The following CDS1 variants were observed in gnomAD, a reference collection of about 807,000 sequenced individuals.
The protein encoded by CDS1 is phosphatidate cytidylyltransferase 1.
A neutral mutation model predicts 62.1 loss-of-function variants in CDS1; 41 were observed. The ratio of observed to expected loss-of-function variants is 0.66; its 90% confidence interval spans 0.51 to 0.86. CDS1 has a LOEUF of 0.86. Ranked by LOEUF, CDS1 falls within the 40% of genes least tolerant of loss-of-function variation. CDS1 has a pLI of 0.00. For synonymous variants in CDS1, 185 were observed against 192.6 expected (o/e 0.96, Z 0.32); for missense variants, 470 against 550.1 (o/e 0.85, Z 1.46).
At chr4:84,586,555 C>T (rs1029794328) in intron 1 of CDS1, among the ~76,000 whole-genome samples, 6 of 152,166 alleles carry the variant, frequency 3.9e-5, no homozygotes, top group East Asian at 3.9e-4. Flanking sequence ...GGTGGTAATG[C>T]GAGTGATGGG....
In CDS1 at chr4:84,592,154, ATTTT is replaced by A. The variant is rs72236126; in HGVS notation, c.117+8660_117+8663del. ...GAGGAAGTAATTTCATTAATGACCA[ATTTT>A]TTTTTTTTTTTTTTTTTTTTTTTGA... On this transcript the variant is annotated intron_variant, in intron 1 of 12. Transcript: ENST00000295887. Among the ~76,000 whole-genome samples, 148 of 86,042 alleles carry A rather than the reference ATTTT, an allele frequency of 1.7e-3. 1 individual carries two copies. Among genetic ancestry groups the A allele is most frequent in the Non-Finnish European group, 2.5e-3 (119 of 47,904 alleles). The allele number at this position is 86,042 out of a possible 152,430, so 56.4% of individuals were successfully genotyped here.
chr4:84,590,755 C>A (rs190484077), intron 1 of CDS1, among the ~76,000 whole-genome samples: 74 of 152,238 alleles, frequency 4.9e-4, no homozygotes, highest in African/African-American at 1.8e-3. Context: ...CAAAAAGGAA[C>A]AGGGAATGGG....
chr4:84,613,734 ACTTT>A (rs1723403238), intron 3 of CDS1, among the ~76,000 whole-genome samples: 1 of 152,210 alleles, frequency 6.6e-6, no homozygotes, highest in African/African-American at 2.4e-5. Flanking sequence ...TTAGAATCAT[ACTTT>A]CTAAGTGATG....
At chr4:84,606,305 A>AGTGT (rs60828105) in intron 2 of CDS1, among the ~76,000 whole-genome samples, 19 of 146,510 alleles carry the variant, frequency 1.3e-4, no homozygotes, top group East Asian at 1.2e-3. Flanking sequence ...TTTCTTGTGC[A>AGTGT]GTGTGTGTGT....
At chr4:84,633,741 C>A in intron 6 of CDS1, 116 bp from the exon 7 acceptor site, 1 of 506,062 alleles carries the variant, frequency 2.0e-6, no homozygotes, top group Non-Finnish European at 3.4e-6. Context: ...ATGACTCTAA[C>A]TTGTACATTT....
chr4:84,641,492 C>T (rs916344284), intron 10 of CDS1, among the ~76,000 whole-genome samples: 6 of 152,128 alleles, frequency 3.9e-5, no homozygotes, highest in Admixed American at 1.3e-4. Context: ...TGGATGAGAA[C>T]GGGTTACAAA....
intron 5 of CDS1, among the ~76,000 whole-genome samples, chr4:84,623,139 C>G (rs1362298023): frequency 6.6e-6 from 1 of 152,164 alleles, no homozygotes; most frequent in East Asian, 1.9e-4. Flanking sequence ...ATTCCTGTTC[C>G]TGTGTGAGCT....
chr4:84,619,305 G>A (rs1578037151), intron 4 of CDS1, 89 bp from the exon 5 acceptor site: 4 of 610,570 alleles, frequency 6.6e-6, no homozygotes, highest in East Asian at 6.1e-5. Flanking sequence ...TTTGATCTTT[G>A]TGTCATCAGA....
chr4:84,629,949 T>C (rs1361959885), intron 5 of CDS1, among the ~76,000 whole-genome samples: 1 of 152,140 alleles, frequency 6.6e-6, no homozygotes, highest in African/African-American at 2.4e-5. Context: ...GTTAATGATA[T>C]TGAGAAGTTC....
At chr4:84,593,943 T>A (rs1160464658) in intron 1 of CDS1, among the ~76,000 whole-genome samples, 1 of 152,098 alleles carries the variant, frequency 6.6e-6, no homozygotes, top group Non-Finnish European at 1.5e-5. Context: ...AGGCAGCGAG[T>A]CTGAAACAAA....
chr4:84,630,191 A>G (rs1339132296), intron 5 of CDS1, among the ~76,000 whole-genome samples: 1 of 152,186 alleles, frequency 6.6e-6, no homozygotes, highest in Non-Finnish European at 1.5e-5. Flanking sequence ...TTTTTAAAGG[A>G]ATCTTTCATA....
chr4:84,631,023 C>T (rs1724002785), intron 5 of CDS1, among the ~76,000 whole-genome samples: 4 of 151,920 alleles, frequency 2.6e-5, no homozygotes, highest in African/African-American at 7.3e-5. Context: ...AATAAATTAT[C>T]ATTGTAATAA....
intron 5 of CDS1, among the ~76,000 whole-genome samples, chr4:84,625,667 A>G (rs939901201): frequency 2.6e-5 from 4 of 151,966 alleles, no homozygotes; most frequent in African/African-American, 9.7e-5. Context: ...GAAAATCTGT[A>G]TGTCATGGGA....
intron 5 of CDS1, among the ~76,000 whole-genome samples, chr4:84,623,733 G>A (rs111906554): frequency 1.3e-4 from 20 of 152,208 alleles, no homozygotes; most frequent in Non-Finnish European, 2.5e-4. Context: ...ACAGTCCTGC[G>A]GATTGGCGGG....
At chr4:84,611,861 C>A (rs1723334658) in intron 3 of CDS1, among the ~76,000 whole-genome samples, 1 of 152,106 alleles carries the variant, frequency 6.6e-6, no homozygotes, top group Non-Finnish European at 1.5e-5. Flanking sequence ...CCCCAGCTCC[C>A]AGTCTTCTGT....
intron 1 of CDS1, among the ~76,000 whole-genome samples, chr4:84,585,153 G>A (rs1339594909): frequency 6.6e-6 from 1 of 152,194 alleles, no homozygotes; most frequent in Non-Finnish European, 1.5e-5. Context: ...TCTGTAGTGT[G>A]ATTTGACTCA....
rs996938926 is a variant in CDS1 at position 84,598,932 on chromosome 4, G to A, written c.118-5311G>A. Among the ~76,000 whole-genome samples, 10 of 152,220 alleles carry A rather than the reference G, an allele frequency of 6.6e-5. No individual in the cohort carries two copies. The East Asian group carries it at 1.9e-3, about 29-fold the overall frequency. ...CTTGTTCTTGTCCTTTTTGTCCTCAGTATTGGGAAGCACCTCAGTTCTCTT... is the reference window on the plus strand; with the variant it reads ...CTTGTTCTTGTCCTTTTTGTCCTCAATATTGGGAAGCACCTCAGTTCTCTT... On this transcript the variant is annotated intron_variant, in intron 1 of 12. Transcript: ENST00000295887.
chr4:84,604,253 T>C lies in CDS1; in HGVS notation c.128T>C (p.Ile43Thr), dbSNP rs150960860. Reference sequence around the variant, plus strand: ...TCTTTTTAATTTTAGGAAACAGATATTGATGACAGATATGGAGATTTGGAT... The same window carrying C: ...TCTTTTTAATTTTAGGAAACAGATACTGATGACAGATATGGAGATTTGGAT... ...TESTSDKETD[I>T]DDRYGDLDSR... The change falls in exon 2 of 13, where the codon ATT (isoleucine) becomes ACT (threonine). Residue 43 changes from isoleucine to threonine, a missense_variant. Coordinates refer to ENST00000295887, the MANE Select transcript of CDS1 (RefSeq NM_001263.4). 821 of 1,609,084 alleles carry C rather than the reference T, an allele frequency of 5.1e-4. No homozygotes were observed. The highest frequency in any genetic ancestry group is 6.6e-4 in the Non-Finnish European group (777 of 1,178,546).
At chr4:84,589,752 G>C (rs941493644) in intron 1 of CDS1, among the ~76,000 whole-genome samples, 5 of 152,202 alleles carry the variant, frequency 3.3e-5, no homozygotes, top group East Asian at 3.9e-4. Context: ...TATTTCAGAG[G>C]GGGAGAGGCA....
Sources: gnomAD v4.1 joint callset for allele counts (sites outside exome capture counted in the v4.1 genomes callset) on GRCh38, gnomAD v4.1.1 for gene constraint, MANE v1.5 for transcripts, NCBI Gene and HGNC (gene_info 2026-07-23, HGNC 2026-07-21) for gene names.